The following SPAM1 variants were observed in gnomAD, a reference collection of about 807,000 sequenced individuals.
SPAM1 encodes hyaluronidase PH-20.
SPAM1 carries 22 observed loss-of-function variants against 29.6 expected under a neutral mutation model. The observed-to-expected ratio is 0.74, with a 90% CI of 0.53 to 1.06. The LOEUF (loss-of-function observed/expected upper bound fraction) is 1.06, where lower values mean the gene tolerates loss of function less well. SPAM1 is among the 50% of genes least tolerant of loss of function. SPAM1 has a pLI of 0.00. For missense variants in SPAM1, 534 were observed against 604.0 expected, an observed-to-expected ratio of 0.88 and a Z score of 1.21; for synonymous variants, 194 against 204.6, an observed-to-expected ratio of 0.95 and a Z score of 0.44.
At chr7:123,943,604 A>G (rs918878052) in intron 1 of SPAM1, among the ~76,000 whole-genome samples, 33 of 152,202 alleles carry the variant, frequency 2.2e-4, no homozygotes, top group Non-Finnish European at 5.9e-5. Flanking sequence ...TACTTCCTGT[A>G]TGATTTTATT....
exon 7 of SPAM1, chr7:123,971,182 T>C (rs755566354): frequency 1.3e-5 from 2 of 152,126 alleles, no homozygotes; most frequent in African/African-American, 4.8e-5. Context: ...GGGAATCTGA[T>C]GAAGCCTATC....
rs62473376 is a variant in SPAM1 at position 123,965,924 on chromosome 7, C to T, written c.1486-4274C>T. 6.7e-3 allele frequency among the ~76,000 whole-genome samples: 1,021 copies of T among 151,800 alleles called. 2 individuals are homozygous for T. The highest frequency in any genetic ancestry group is 0.011 in the Non-Finnish European group (725 of 67,836). ...GCCATTTTAACAATATTGACAAGTGCGATCTAATTAAACTAAAGAGCTTCT... is the reference window on the plus strand; with the variant it reads ...GCCATTTTAACAATATTGACAAGTGTGATCTAATTAAACTAAAGAGCTTCT... On this transcript the variant is annotated intron_variant, in intron 5 of 6. Coordinates refer to the SPAM1 transcript ENST00000340011.
intron 1 of SPAM1, among the ~76,000 whole-genome samples, chr7:123,942,208 G>A (rs1296937928): frequency 2.0e-5 from 3 of 152,194 alleles, no homozygotes; most frequent in South Asian, 4.1e-4. Context: ...AGGAATAGAA[G>A]AAAAAATTTA....
At chr7:123,936,552 A>T (rs979282844) in intron 1 of SPAM1, among the ~76,000 whole-genome samples, 1 of 152,194 alleles carries the variant, frequency 6.6e-6, no homozygotes, top group Non-Finnish European at 1.5e-5. Context: ...AGTCTACGTG[A>T]TTCTGCAGCA....
intron 1 of SPAM1, among the ~76,000 whole-genome samples, chr7:123,948,236 A>T (rs953754447): frequency 1.5e-4 from 23 of 152,144 alleles, no homozygotes; most frequent in African/African-American, 5.3e-4. Context: ...TGGTCTCTTA[A>T]AAGTTTCCTT....
chr7:123,955,887 A>G (rs1191607859), intron 4 of SPAM1, among the ~76,000 whole-genome samples: 1 of 151,970 alleles, frequency 6.6e-6, no homozygotes, highest in Non-Finnish European at 1.5e-5. Flanking sequence ...GTGTCAGAAA[A>G]TCATTGTAAA....
intron 1 of SPAM1, among the ~76,000 whole-genome samples, chr7:123,940,757 A>G (rs1004215394): frequency 1.4e-4 from 21 of 152,130 alleles, no homozygotes; most frequent in Non-Finnish European, 2.9e-4. Flanking sequence ...TGGCATCTCA[A>G]ATCTCTGGAA....
chr7:123,964,918 T>G, downstream of SPAM1, among the ~76,000 whole-genome samples: 1 of 152,024 alleles, frequency 6.6e-6, no homozygotes, highest in Non-Finnish European at 1.5e-5. Flanking sequence ...TGACAAATAC[T>G]TTTAGTGATG....
At position 123,954,215 on chromosome 7, in the gene SPAM1, G is replaced by A; in HGVS notation, c.645G>A (p.Leu215=). 6.2e-6 allele frequency: 10 copies of A among 1,613,580 alleles called. No homozygotes were observed. Among genetic ancestry groups the A allele is most frequent in the Non-Finnish European group, 8.5e-6 (10 of 1,179,742 alleles). Residue 215 remains leucine, a synonymous_variant, in exon 3 of 5, where the codon TTG becomes TTA. Coordinates refer to ENST00000682466, the MANE Select transcript of SPAM1 (RefSeq NM_153189.3). ...KLGKLLRPNH[L]WGYYLFPDCY... Reference sequence around the variant, plus strand: ...GAAAATTACTTCGGCCAAATCACTTGTGGGGTTATTATCTTTTTCCGGATT... The same window carrying A: ...GAAAATTACTTCGGCCAAATCACTTATGGGGTTATTATCTTTTTCCGGATT...
At chr7:123,949,319 C>T (rs1324851900) in intron 1 of SPAM1, among the ~76,000 whole-genome samples, 2 of 152,082 alleles carry the variant, frequency 1.3e-5, no homozygotes. Context: ...ATTAGAAGAT[C>T]AGAAATACAT....
At chr7:123,964,000 G>A (rs1048593798), downstream of SPAM1, among the ~76,000 whole-genome samples, 25 of 151,294 alleles carry the variant, frequency 1.7e-4, no homozygotes, top group Non-Finnish European at 8.9e-5. Flanking sequence ...AATGATTTAA[G>A]GTTTATATTT....
At position 123,953,953 on chromosome 7, in the gene SPAM1, A is replaced by G. The variant is rs1029128732; in HGVS notation, c.383A>G (p.Lys128Arg). 6.2e-7 allele frequency: 1 copy of G among 1,613,826 alleles called. No homozygotes were observed. Among genetic ancestry groups the G allele is most frequent in the Non-Finnish European group, 8.5e-7 (1 of 1,179,830 alleles). Residue 128 changes from lysine to arginine, a missense_variant, in exon 3 of 5, where the codon AAG (lysine) becomes AGG (arginine). Physicochemically the swap from Lys to Arg is conservative, Grantham distance 26 (BLOSUM62 2). Coordinates refer to ENST00000682466, the MANE Select transcript of SPAM1 (RefSeq NM_153189.3). ...ISLQDHLDKA[K>R]KDITFYMPVD... ...TTACAAGACCATCTGGACAAAGCTA[A>G]GAAAGACATTACATTTTATATGCCA...
intron 1 of SPAM1, among the ~76,000 whole-genome samples, chr7:123,937,667 T>G (rs1808300547): frequency 1.3e-5 from 2 of 151,944 alleles, no homozygotes; most frequent in African/African-American, 4.8e-5. Context: ...TCGTGGAATT[T>G]AGATAGATTT....
chr7:123,942,165 A>G (rs1211186824), intron 1 of SPAM1, among the ~76,000 whole-genome samples: 1 of 152,240 alleles, frequency 6.6e-6, no homozygotes, highest in African/African-American at 2.4e-5. Context: ...CTTAATTTTT[A>G]GTGATTTCAA....
chr7:123,956,104 T>C (rs909083899), intron 4 of SPAM1, among the ~76,000 whole-genome samples: 2 of 152,048 alleles, frequency 1.3e-5, no homozygotes, highest in Non-Finnish European at 2.9e-5. Context: ...TAGGTTGACA[T>C]GACATACTAT....
Position 123,953,564 on chromosome 7 carries a change from C to T in SPAM1, c.-7C>T, listed in dbSNP as rs1792167433. On this transcript the variant is annotated 5_prime_UTR_variant, in exon 3 of 5. Coordinates refer to ENST00000682466, the MANE Select transcript of SPAM1 (RefSeq NM_153189.3). ...AATAAATGTTTTCATAGTCATTACT[C>T]TTTACAATGGGAGTGCTAAAATTCA... 3 of 1,557,984 alleles carry T rather than the reference C, an allele frequency of 1.9e-6. No individual in the cohort carries two copies. Among genetic ancestry groups the T allele is most frequent in the Non-Finnish European group, 2.6e-6 (3 of 1,148,614 alleles).
intron 5 of SPAM1, among the ~76,000 whole-genome samples, chr7:123,965,609 C>T (rs7797717): frequency 0.33 from 49,911 of 151,786 alleles, 9,420 homozygotes; most frequent in African/African-American, 0.51. Flanking sequence ...GATCAGATGG[C>T]TGCAGATGCG....
intron 1 of SPAM1, among the ~76,000 whole-genome samples, chr7:123,942,956 A>G (rs1184315117): frequency 3.3e-5 from 5 of 152,262 alleles, no homozygotes; most frequent in African/African-American, 9.6e-5. Flanking sequence ...CTATATTGCT[A>G]TAAGTTAAGC....
intron 1 of SPAM1, among the ~76,000 whole-genome samples, chr7:123,940,315 A>C (rs1490766615): frequency 6.6e-6 from 1 of 152,152 alleles, no homozygotes; most frequent in Non-Finnish European, 1.5e-5. Context: ...AACTAATCCT[A>C]AAATTAAAGG....
Sources: gnomAD v4.1 joint callset for allele counts (sites outside exome capture counted in the v4.1 genomes callset) on GRCh38, gnomAD v4.1.1 for gene constraint, MANE v1.5 for transcripts, NCBI Gene and HGNC (gene_info 2026-07-23, HGNC 2026-07-21) for gene names.